Variants in ASTN2 observed in about 807,000 individuals in gnomAD.
The protein encoded by ASTN2 is astrotactin 2, also known as astrotactin-2.
Under a neutral mutation model 139.8 loss-of-function variants are expected in ASTN2, and 54 were observed. The observed-to-expected ratio is 0.39, with a 90% CI of 0.31 to 0.48. The LOEUF is 0.48. Ranked by LOEUF, ASTN2 falls within the 20% of genes least tolerant of loss-of-function variation. The pLI is 0.95. For missense variants in ASTN2, 1,565 were observed against 1,725.1 expected (o/e 0.91, Z 1.64); for synonymous variants, 756 against 719.5 (o/e 1.05, Z -0.81).
chr9:116,469,304 T>C (rs1274517390), intron 20 of ASTN2, among the ~76,000 whole-genome samples: 2 of 151,044 alleles, frequency 1.3e-5, no homozygotes, highest in African/African-American at 4.9e-5. Context: ...CTCTCTCAAG[T>C]GGTTTTTTTT....
chr9:117,136,782 G>C, intron 4 of ASTN2, among the ~76,000 whole-genome samples: 1 of 152,164 alleles, frequency 6.6e-6, no homozygotes, highest in East Asian at 1.9e-4. Flanking sequence ...GACAGTGATT[G>C]TACTAGCTAT....
intron 1 of ASTN2, among the ~76,000 whole-genome samples, chr9:117,345,760 G>C (rs907861576): frequency 6.6e-6 from 1 of 152,138 alleles, no homozygotes; most frequent in African/African-American, 2.4e-5. Flanking sequence ...ATGTAAACTA[G>C]AGAATGCTAC....
intron 3 of ASTN2, among the ~76,000 whole-genome samples, chr9:117,200,658 T>C (rs575614693): frequency 6.6e-6 from 1 of 152,298 alleles, no homozygotes; most frequent in Non-Finnish European, 1.5e-5. Context: ...ATGTAATAGA[T>C]TACATTTATT....
intron 3 of ASTN2, among the ~76,000 whole-genome samples, chr9:117,156,192 TTATG>T (rs1830429620): frequency 6.6e-6 from 1 of 152,082 alleles, no homozygotes; most frequent in African/African-American, 2.4e-5. Flanking sequence ...GATGCATGCA[TTATG>T]TATGTTATAA....
At chr9:116,621,156 G>A (rs1470331228) in intron 17 of ASTN2, among the ~76,000 whole-genome samples, 1 of 152,052 alleles carries the variant, frequency 6.6e-6, no homozygotes, top group Non-Finnish European at 1.5e-5. Context: ...TTTCTATAAC[G>A]GGCCAGAGAG....
intron 7 of ASTN2, among the ~76,000 whole-genome samples, chr9:116,988,973 A>G (rs1203870837): frequency 6.6e-6 from 1 of 152,288 alleles, no homozygotes. Flanking sequence ...CATGAGGATA[A>G]AATATATGCT....
chr9:116,516,130 T>C (rs1033235508), intron 19 of ASTN2, among the ~76,000 whole-genome samples: 1 of 152,146 alleles, frequency 6.6e-6, no homozygotes, highest in East Asian at 1.9e-4. Flanking sequence ...TACAACTACA[T>C]CTAGAAGTCA....
intron 2 of ASTN2, among the ~76,000 whole-genome samples, chr9:117,282,990 T>C (rs1487429488): frequency 2.0e-5 from 3 of 152,118 alleles, no homozygotes; most frequent in Admixed American, 2.0e-4. Context: ...CTGTTTTTTT[T>C]TTTTTTTGGA....
chr9:116,476,104 T>C (rs1848972464), intron 20 of ASTN2, among the ~76,000 whole-genome samples: 1 of 152,192 alleles, frequency 6.6e-6, no homozygotes, highest in Non-Finnish European at 1.5e-5. Context: ...CCATGCTTCC[T>C]CTGAAGGCTC....
intron 11 of ASTN2, among the ~76,000 whole-genome samples, chr9:116,849,165 C>A (rs1263241771): frequency 3.3e-5 from 5 of 152,200 alleles, no homozygotes; most frequent in Non-Finnish European, 5.9e-5. Flanking sequence ...CTCCAGGAAC[C>A]CCCATGTGTT....
At chr9:116,570,026 G>A (rs1256586569) in intron 19 of ASTN2, among the ~76,000 whole-genome samples, 1 of 152,204 alleles carries the variant, frequency 6.6e-6, no homozygotes, top group African/African-American at 2.4e-5. Context: ...ATTACCATGG[G>A]GTGGAAAAGT....
chr9:116,875,309 G>A (rs973670374), intron 10 of ASTN2, among the ~76,000 whole-genome samples: 3 of 152,160 alleles, frequency 2.0e-5, no homozygotes, highest in African/African-American at 7.2e-5. Context: ...TTAGAGGTGT[G>A]GATAAATTAA....
intron 16 of ASTN2, among the ~76,000 whole-genome samples, chr9:116,659,668 C>T (rs1422996995): frequency 2.6e-5 from 4 of 152,224 alleles, no homozygotes; most frequent in Middle Eastern, 3.4e-3. Context: ...TTCCCATTAC[C>T]TCCCACCCCC....
intron 3 of ASTN2, among the ~76,000 whole-genome samples, chr9:117,175,931 G>A (rs1449257425): frequency 6.6e-6 from 1 of 151,568 alleles, no homozygotes; most frequent in Non-Finnish European, 1.5e-5. Flanking sequence ...TAAAACATAA[G>A]TCATAGATTG....
intron 3 of ASTN2, among the ~76,000 whole-genome samples, chr9:117,142,573 C>A (rs1830101096): frequency 6.6e-6 from 1 of 152,130 alleles, no homozygotes; most frequent in Non-Finnish European, 1.5e-5. Flanking sequence ...TGCACCAATA[C>A]CTTCCAATGA....
At chr9:117,353,163 AAATTGTATGTTACATATATTTTACC>A (rs1291449241) in intron 1 of ASTN2, among the ~76,000 whole-genome samples, 1 of 152,198 alleles carries the variant, frequency 6.6e-6, no homozygotes, top group Non-Finnish European at 1.5e-5. Context: ...TTAAAATGGC[AAATTGTATGTTACATATATTTTACC>A]ACAGTAAAAA....
intron 16 of ASTN2, among the ~76,000 whole-genome samples, chr9:116,716,207 C>A (rs1828310329): frequency 6.6e-6 from 1 of 152,152 alleles, no homozygotes; most frequent in Non-Finnish European, 1.5e-5. Context: ...AACTAGTTTA[C>A]AACAGTATCA....
chr9:117,090,497 C>T (rs1403948424), intron 5 of ASTN2, among the ~76,000 whole-genome samples: 3 of 152,234 alleles, frequency 2.0e-5, no homozygotes, highest in Non-Finnish European at 2.9e-5. Context: ...AGACAAAGTA[C>T]TTCCAAACTA....
intron 2 of ASTN2, among the ~76,000 whole-genome samples, chr9:117,272,913 C>T (rs775723223): frequency 1.2e-4 from 19 of 152,244 alleles, no homozygotes; most frequent in Admixed American, 6.5e-4. Context: ...AGCCCTCCAA[C>T]TGTTCCAATC....
Sources: allele counts gnomAD v4.1 joint callset (sites outside exome capture counted in the v4.1 genomes callset), GRCh38; gene constraint gnomAD v4.1.1; transcripts MANE v1.5; gene names NCBI Gene and HGNC (gene_info 2026-07-23, HGNC 2026-07-21).